PAMR1: variants seen among roughly 807,000 people sequenced by gnomAD.
PAMR1 encodes inactive serine protease PAMR1.
In PAMR1, 88 loss-of-function variants were observed where a neutral mutation model predicts 81.8. That is an observed-to-expected ratio of 1.08 (90% CI 0.91 to 1.28). PAMR1 has a LOEUF of 1.28. PAMR1 is among the 50% of genes most tolerant of loss of function. PAMR1 has a pLI of 0.00. For synonymous variants in PAMR1, 336 were observed against 345.3 expected (o/e 0.97, Z 0.30); for missense variants, 935 against 919.7 (o/e 1.02, Z -0.21).
chr11:35,436,288 T>C (rs941048263), intron 8 of PAMR1, 153 bp from the exon 9 acceptor site: 1 of 608,542 alleles, frequency 1.6e-6, no homozygotes. Flanking sequence ...TCTCTGTCTG[T>C]CTGCCTTTTG....
At chr11:35,452,479 T>G (rs1483243046) in intron 6 of PAMR1, among the ~76,000 whole-genome samples, 5 of 152,114 alleles carry the variant, frequency 3.3e-5, no homozygotes, top group African/African-American at 4.8e-5. Context: ...TTTCCCATAC[T>G]GGTGAAAGAC....
At chr11:35,455,257 A>C (rs1565333213) in intron 6 of PAMR1, among the ~76,000 whole-genome samples, 1 of 152,240 alleles carries the variant, frequency 6.6e-6, no homozygotes, top group Non-Finnish European at 1.5e-5. Flanking sequence ...ATTTTCAGGA[A>C]AAGTGGTTCC....
intron 3 of PAMR1, among the ~76,000 whole-genome samples, chr11:35,478,203 C>A (rs1164067975): frequency 1.3e-5 from 2 of 152,158 alleles, no homozygotes; most frequent in Non-Finnish European, 2.9e-5. Context: ...CGGTGCTCAT[C>A]CCCATTTAGG....
chr11:35,444,359 T>G (rs564746159), intron 6 of PAMR1, among the ~76,000 whole-genome samples: 2 of 152,214 alleles, frequency 1.3e-5, no homozygotes, highest in Non-Finnish European at 2.9e-5. Context: ...TTAGATCCAG[T>G]TCGTCAATTT....
rs1006215751 is a variant in PAMR1, at chr11:35,441,514, C to G, written c.1000G>C (p.Glu334Gln). 9.9e-6 allele frequency: 16 copies of G among 1,613,234 alleles called. No homozygotes were observed. Among genetic ancestry groups the G allele is most frequent in the Middle Eastern group, 1.8e-4 (1 of 5,570 alleles). ...CAGATGGGCTGTTTCCCTGACCACT[C>G]TCCATTCTGCTGGCAAGTTCTTTTC... ...NEKRTCQQNG[E>Q]WSGKQPICIK... is the part of the protein sequence containing the mutation. The change falls in exon 7 of 11, where the codon GAG (glutamate) becomes CAG (glutamine). Residue 334 changes from glutamate (E) to glutamine (Q), a missense_variant. Glu to Gln is a conservative substitution (Grantham distance 29). Transcript: ENST00000619888.
intron 2 of PAMR1, among the ~76,000 whole-genome samples, chr11:35,493,223 C>T (rs1369688411): frequency 6.6e-6 from 1 of 152,168 alleles, no homozygotes; most frequent in East Asian, 1.9e-4. Flanking sequence ...GCGTGTCCTC[C>T]AATCCTTTCC....
At chr11:35,512,989 T>TA (rs1328472546) in intron 1 of PAMR1, among the ~76,000 whole-genome samples, 2 of 152,160 alleles carry the variant, frequency 1.3e-5, no homozygotes, top group Admixed American at 6.5e-5. Context: ...AGACCCTGTC[T>TA]AAAAAAATAA....
At chr11:35,439,003 G>A (rs1028161011) in intron 8 of PAMR1, among the ~76,000 whole-genome samples, 1 of 152,288 alleles carries the variant, frequency 6.6e-6, no homozygotes, top group Admixed American at 6.5e-5. Context: ...TGCTTGGAGT[G>A]ATAGAGGAAA....
Position 35,494,178 on chromosome 11 carries a change from G to A in PAMR1, c.168C>T (p.Pro56=), listed in dbSNP as rs749670811. 1.2e-5 allele frequency: 19 copies of A among 1,613,728 alleles called. No individual in the cohort carries two copies. The East Asian group carries it at 3.1e-4, about 26-fold the overall frequency. The change falls in exon 2 of 11, where the codon CCC becomes CCT. Residue 56 remains proline, a synonymous_variant. Transcript: ENST00000619888. ...CEYDQIECVC[P]GKREVVGYTI... ...TATAACCCACGACTTCCCTCTTTCC[G>A]GGGCAGACGCACTCAATCTGATCAT...
intron 3 of PAMR1, among the ~76,000 whole-genome samples, chr11:35,476,213 G>C (rs1850280979): frequency 6.6e-6 from 1 of 152,048 alleles, no homozygotes; most frequent in Admixed American, 6.6e-5. Context: ...TTCCACTTGG[G>C]GCTCCTGTCT....
chr11:35,497,101 G>A (rs2135404523), intron 1 of PAMR1, among the ~76,000 whole-genome samples: 1 of 152,286 alleles, frequency 6.6e-6, no homozygotes, highest in African/African-American at 2.4e-5. Flanking sequence ...CAGGGGCAGA[G>A]GTTGCAGTGA....
At chr11:35,466,564 A>T (rs1360616966) in intron 6 of PAMR1, among the ~76,000 whole-genome samples, 1 of 151,914 alleles carries the variant, frequency 6.6e-6, no homozygotes, top group African/African-American at 2.4e-5. Context: ...CGTCTCTGTT[A>T]AAAATACAAA....
chr11:35,458,034 C>G (rs910061851), intron 6 of PAMR1, among the ~76,000 whole-genome samples: 29 of 152,308 alleles, frequency 1.9e-4, no homozygotes, highest in Non-Finnish European at 1.0e-4. Context: ...AAGTACAAGA[C>G]AGCTGGGTTA....
chr11:35,442,598 TC>T (rs1326175808), intron 6 of PAMR1, among the ~76,000 whole-genome samples: 1 of 151,994 alleles, frequency 6.6e-6, no homozygotes, highest in Non-Finnish European at 1.5e-5. Context: ...TCTTTTTTTT[TC>T]TTTTTCTTTT....
intron 6 of PAMR1, among the ~76,000 whole-genome samples, chr11:35,455,533 T>A (rs555735211): frequency 3.5e-4 from 53 of 152,324 alleles, no homozygotes; most frequent in African/African-American, 1.2e-3. Context: ...CAGCCTTGCA[T>A]GAATATATGT....
intron 6 of PAMR1, among the ~76,000 whole-genome samples, chr11:35,444,368 TTTTG>T (rs1351900558): frequency 2.0e-5 from 3 of 152,222 alleles, no homozygotes; most frequent in African/African-American, 7.2e-5. Flanking sequence ...GTTCGTCAAT[TTTTG>T]TTTTTGTTTC....
At chr11:35,503,610 T>A (rs1850895994) in intron 1 of PAMR1, among the ~76,000 whole-genome samples, 1 of 152,140 alleles carries the variant, frequency 6.6e-6, no homozygotes. Flanking sequence ...AATTGACTCC[T>A]AGGTATTTTA....
chr11:35,504,353 A>C (rs886412519), intron 1 of PAMR1, among the ~76,000 whole-genome samples: 2 of 151,980 alleles, frequency 1.3e-5, no homozygotes, highest in South Asian at 4.1e-4. Flanking sequence ...CTGTTGTTCT[A>C]TCCTCGTCTG....
At chr11:35,458,190 C>G (rs1856573903) in intron 6 of PAMR1, among the ~76,000 whole-genome samples, 1 of 152,188 alleles carries the variant, frequency 6.6e-6, no homozygotes, top group African/African-American at 2.4e-5. Flanking sequence ...AACATTTTCT[C>G]AGCACCCATC....
Sources: gnomAD v4.1 joint callset for allele counts (sites outside exome capture counted in the v4.1 genomes callset) on GRCh38, gnomAD v4.1.1 for gene constraint, MANE v1.5 for transcripts, NCBI Gene and HGNC (gene_info 2026-07-23, HGNC 2026-07-21) for gene names.